The following C12orf42 variants were observed in gnomAD, a reference collection of about 807,000 sequenced individuals.
C12orf42 encodes the protein uncharacterized protein C12orf42.
C12orf42 carries 25 observed loss-of-function variants against 21.6 expected under a neutral mutation model. The ratio of observed to expected loss-of-function variants is 1.16; its 90% CI spans 0.84 to 1.62. The LOEUF (loss-of-function observed/expected upper bound fraction) is 1.62. Among genes scored for constraint, C12orf42 ranks in the 40% most tolerant of loss-of-function variants. The pLI is 0.00. For synonymous variants in C12orf42, 174 were observed against 175.0 expected, an observed-to-expected ratio of 0.99 and a Z score of 0.05; for missense variants, 483 against 459.3, an observed-to-expected ratio of 1.05 and a Z score of -0.47.
chr12:103,327,996 T>A (rs536958263), intron 4 of C12orf42, among the ~76,000 whole-genome samples: 1 of 152,312 alleles, frequency 6.6e-6, no homozygotes, highest in Admixed American at 6.5e-5. Flanking sequence ...CAGAAATGGC[T>A]GAATTCAAGT....
the C12orf42 span, chr12:103,549,015 A>G: frequency 1.3e-5 from 2 of 152,216 alleles, no homozygotes; most frequent in African/African-American, 2.4e-5. Context: ...CAATTCATCC[A>G]TAAACTTGAT....
the C12orf42 span, among the ~76,000 whole-genome samples, chr12:103,203,317 T>C: frequency 6.6e-6 from 1 of 152,216 alleles, no homozygotes; most frequent in Admixed American, 6.5e-5. Flanking sequence ...TTTGTCATAG[T>C]TCCTTTAGTG....
At chr12:103,134,463 G>T in the C12orf42 span, among the ~76,000 whole-genome samples, 1 of 151,538 alleles carries the variant, frequency 6.6e-6, no homozygotes, top group Non-Finnish European at 1.5e-5. Context: ...TTCATTAAAC[G>T]AAATACAAAA....
the C12orf42 span, among the ~76,000 whole-genome samples, chr12:103,123,290 G>A: frequency 1.3e-5 from 2 of 152,194 alleles, no homozygotes; most frequent in Non-Finnish European, 2.9e-5. Flanking sequence ...CAGGTAGGGA[G>A]TGCTGAAGGC....
At chr12:103,334,386 T>A (rs1257182416) in intron 4 of C12orf42, among the ~76,000 whole-genome samples, 1 of 152,128 alleles carries the variant, frequency 6.6e-6, no homozygotes, top group Non-Finnish European at 1.5e-5. Context: ...CCAGCATTTT[T>A]CCTACTGACA....
intron 2 of C12orf42, among the ~76,000 whole-genome samples, chr12:103,443,965 C>G (rs1951422326): frequency 6.6e-6 from 1 of 152,002 alleles, no homozygotes; most frequent in Non-Finnish European, 1.5e-5. Context: ...TTTAATGTTT[C>G]TAAAACCTGT....
intron 2 of C12orf42, among the ~76,000 whole-genome samples, chr12:103,425,030 G>A (rs1199205183): frequency 1.3e-5 from 2 of 152,192 alleles, no homozygotes; most frequent in African/African-American, 4.8e-5. Context: ...TGAGGCTTGA[G>A]TAGGTGGATT....
chr12:103,282,655 C>T (rs186509374), intron 4 of C12orf42, among the ~76,000 whole-genome samples: 19 of 152,256 alleles, frequency 1.2e-4, no homozygotes, highest in African/African-American at 4.3e-4. Context: ...TTAAGCAATA[C>T]ATGGCTATAT....
chr12:103,248,034 G>A (rs1374572883), intron 10 of C12orf42, among the ~76,000 whole-genome samples: 1 of 151,986 alleles, frequency 6.6e-6, no homozygotes, highest in African/African-American at 2.4e-5. Context: ...CAAGTAATTA[G>A]CAAAGACAGA....
the C12orf42 span, among the ~76,000 whole-genome samples, chr12:103,220,169 C>G: frequency 9.2e-5 from 14 of 152,200 alleles, no homozygotes; most frequent in African/African-American, 3.1e-4. Context: ...AACAGAAAAC[C>G]AAACGCCACA....
chr12:103,541,791 T>G, the C12orf42 span, among the ~76,000 whole-genome samples: 1 of 152,170 alleles, frequency 6.6e-6, no homozygotes, highest in Non-Finnish European at 1.5e-5. Context: ...GGCCCCTAAT[T>G]GTACAAAAGC....
At chr12:103,173,802 T>C in the C12orf42 span, among the ~76,000 whole-genome samples, 1 of 152,154 alleles carries the variant, frequency 6.6e-6, no homozygotes. Context: ...CTCACTTCTC[T>C]CTCATCTTGT....
intron 10 of C12orf42, among the ~76,000 whole-genome samples, chr12:103,254,659 G>A (rs1035471865): frequency 1.8e-4 from 27 of 152,294 alleles, no homozygotes; most frequent in African/African-American, 5.8e-4. Context: ...ACTAATACGG[G>A]AACAGAAAAC....
the C12orf42 span, among the ~76,000 whole-genome samples, chr12:103,539,637 T>C: frequency 8.5e-5 from 13 of 152,062 alleles, no homozygotes; most frequent in Non-Finnish European, 1.5e-4. Flanking sequence ...TGGAGTGCAG[T>C]GGCACAATCT....
At chr12:103,428,952 A>G (rs964791524) in intron 2 of C12orf42, among the ~76,000 whole-genome samples, 5 of 152,224 alleles carry the variant, frequency 3.3e-5, no homozygotes, top group African/African-American at 1.2e-4. Context: ...TAAACTAGGT[A>G]TTGATGGAAC....
chr12:103,527,570 T>C, the C12orf42 span, among the ~76,000 whole-genome samples: 5 of 152,292 alleles, frequency 3.3e-5, no homozygotes, highest in East Asian at 9.6e-4. Flanking sequence ...ATGAGTAGGT[T>C]TTTCTCTTCC....
At chr12:103,318,482 T>C (rs1328634494) in intron 4 of C12orf42, among the ~76,000 whole-genome samples, 3 of 152,234 alleles carry the variant, frequency 2.0e-5, no homozygotes, top group African/African-American at 4.8e-5. Flanking sequence ...CAGTTTTCTG[T>C]TGTTCCATAT....
chr12:103,365,250 A>G (rs1232447046), intron 4 of C12orf42, among the ~76,000 whole-genome samples: 1 of 152,142 alleles, frequency 6.6e-6, no homozygotes, highest in Non-Finnish European at 1.5e-5. Context: ...TAGATGCAGA[A>G]AAAGCATTTG....
chr12:103,063,902 T>C, the C12orf42 span, among the ~76,000 whole-genome samples: 7 of 152,148 alleles, frequency 4.6e-5, no homozygotes, highest in Non-Finnish European at 8.8e-5. Flanking sequence ...CTGTGTTAAT[T>C]TGGGTCCACT....
Sources: allele counts gnomAD v4.1 joint callset (sites outside exome capture counted in the v4.1 genomes callset), GRCh38; gene constraint gnomAD v4.1.1; transcripts MANE v1.5; gene names NCBI Gene and HGNC (gene_info 2026-07-23, HGNC 2026-07-21).